Variants in PPP6C observed in about 807,000 individuals in gnomAD.
PPP6C encodes protein phosphatase 6 catalytic subunit.
A neutral mutation model predicts 39.8 loss-of-function variants in PPP6C; 11 were observed. That is an observed-to-expected ratio of 0.28 (90% CI 0.17 to 0.46). PPP6C has a LOEUF of 0.46. PPP6C is among the 20% of genes least tolerant of loss of function. The pLI is 1.00. For synonymous variants in PPP6C, 129 were observed against 130.3 expected (o/e 0.99, Z 0.07); for missense variants, 211 against 373.9 (o/e 0.56, Z 3.59).
At chr9:125,170,942 T>G (rs1353488437) in intron 2 of PPP6C, 143 bp downstream of exon 2, 1 of 486,694 alleles carries the variant, frequency 2.1e-6, no homozygotes, top group Non-Finnish European at 3.6e-6. Flanking sequence ...CAGGAATCAT[T>G]TGTGTCACAG....
intron 1 of PPP6C, among the ~76,000 whole-genome samples, chr9:125,187,548 T>C (rs1197546653): frequency 2.6e-5 from 4 of 151,908 alleles, no homozygotes; most frequent in African/African-American, 9.7e-5. Flanking sequence ...CCTCCCCAAG[T>C]ACTGAGATTA....
At chr9:125,175,978 T>C (rs1015939135) in intron 1 of PPP6C, among the ~76,000 whole-genome samples, 9 of 152,090 alleles carry the variant, frequency 5.9e-5, no homozygotes, top group African/African-American at 1.7e-4. Context: ...CAAGGAAGTA[T>C]AGAGCAAACA....
intron 2 of PPP6C, among the ~76,000 whole-genome samples, chr9:125,163,011 G>A (rs532688173): frequency 1.6e-4 from 24 of 152,074 alleles, no homozygotes; most frequent in African/African-American, 5.8e-4. Flanking sequence ...CCTGGGAGAC[G>A]GAGGTTACAG....
At chr9:125,168,908 G>A (rs1012641090) in intron 2 of PPP6C, among the ~76,000 whole-genome samples, 3 of 151,192 alleles carry the variant, frequency 2.0e-5, no homozygotes, top group African/African-American at 7.3e-5. Flanking sequence ...TTACAGGCAC[G>A]CACCACCACA....
In PPP6C at chr9:125,156,542, G is replaced by T. The variant is rs142413395; in HGVS notation, c.379+1699C>A. Among the ~76,000 whole-genome samples, 245 of 152,272 alleles carry T rather than the reference G, an allele frequency of 1.6e-3. 1 individual carries two copies. The highest frequency in any genetic ancestry group is 0.015 in the East Asian group (80 of 5,182). The stretch of plus-strand genomic sequence containing the variant: ...CTGCCTCAGCCTCCCAAAGTACTGG[G>T]ATTACAGGCATGAGCCACCACACCT... On this transcript the variant is annotated intron_variant, in intron 4 of 6. Coordinates refer to ENST00000373547, the MANE Select transcript of PPP6C (RefSeq NM_002721.5).
chr9:125,187,955 A>G lies in PPP6C; in HGVS notation c.75+1689T>C, dbSNP rs558678839. ...CATATGCCACATAAAATTAACAGGT[A>G]AGTACAATTCAGTCACATTCACAAC... On this transcript the variant is annotated intron_variant, in intron 1 of 6. Transcript: ENST00000373547. Among the ~76,000 whole-genome samples, 8 of 152,212 alleles carry G rather than the reference A, an allele frequency of 5.3e-5. No individual in the cohort carries two copies. In the South Asian group the frequency reaches 1.7e-3, roughly 32 times the overall value.
chr9:125,178,446 A>G (rs1317272502), intron 1 of PPP6C, among the ~76,000 whole-genome samples: 4 of 152,072 alleles, frequency 2.6e-5, no homozygotes, highest in African/African-American at 4.8e-5. Context: ...TCATCACTGT[A>G]TCTTCTTTGA....
At chr9:125,151,063 C>G in intron 6 of PPP6C, 1 of 1,339,036 alleles carries the variant, frequency 7.5e-7, no homozygotes, top group Non-Finnish European at 1.1e-6. Flanking sequence ...TTTTGATAAC[C>G]CAGTGGACTA....
At chr9:125,183,682 T>C (rs1829464917) in intron 1 of PPP6C, among the ~76,000 whole-genome samples, 1 of 152,194 alleles carries the variant, frequency 6.6e-6, no homozygotes, top group Non-Finnish European at 1.5e-5. Context: ...AATTACATTA[T>C]ACTATTGCAC....
intron 4 of PPP6C, among the ~76,000 whole-genome samples, chr9:125,156,080 A>G (rs921723340): frequency 4.6e-5 from 7 of 152,064 alleles, no homozygotes; most frequent in African/African-American, 1.7e-4. Context: ...AATATTGATT[A>G]TTTTGCAAAA....
intron 6 of PPP6C, chr9:125,150,516 G>A: frequency 2.3e-6 from 1 of 441,894 alleles, no homozygotes; most frequent in Non-Finnish European, 4.4e-6. Flanking sequence ...AAAGTTCAAA[G>A]TACTGCCTAT....
chr9:125,186,074 G>A (rs955611819), intron 1 of PPP6C, among the ~76,000 whole-genome samples: 6 of 152,190 alleles, frequency 3.9e-5, no homozygotes, highest in East Asian at 3.9e-4. Context: ...CTGGAACATC[G>A]TATGCATTTA....
At chr9:125,174,435 G>A (rs969448813) in intron 1 of PPP6C, among the ~76,000 whole-genome samples, 1 of 149,798 alleles carries the variant, frequency 6.7e-6, no homozygotes, top group Non-Finnish European at 1.5e-5. Flanking sequence ...CATTCCTAGG[G>A]TAAGTTCCTG....
intron 4 of PPP6C, among the ~76,000 whole-genome samples, chr9:125,156,922 C>G (rs184493058): frequency 6.6e-6 from 1 of 151,992 alleles, no homozygotes; most frequent in African/African-American, 2.4e-5. Context: ...AATCAATTCT[C>G]CCTGCCTCAG....
At position 125,147,396 on chromosome 9, in the gene PPP6C, CATG is replaced by C. The variant is rs1056838993; in HGVS notation, c.*2274_*2276del. ...TATGACTTGCAAGTATCTTCCACCA[CATG>C]ATAACTCTATATAGTACATATAGTA... On this transcript the variant is annotated 3_prime_UTR_variant, in exon 7 of 7. Transcript: ENST00000373547. The C allele has an allele frequency of 6.6e-5, 10 of 152,210 alleles. No individual in the cohort carries two copies. The highest frequency in any genetic ancestry group is 9.6e-5 in the African/African-American group (4 of 41,456). The allele number at this position is 152,210 out of a possible 1,614,324, so 9.4% of individuals were successfully genotyped here.
At chr9:125,154,031 A>G in intron 4 of PPP6C, 46 bp from the exon 5 acceptor site, 1 of 1,387,622 alleles carries the variant, frequency 7.2e-7, no homozygotes, top group Non-Finnish European at 1.0e-6. Flanking sequence ...CTGCTAATAA[A>G]AATAAACAAT....
intron 1 of PPP6C, among the ~76,000 whole-genome samples, chr9:125,178,831 T>C (rs1829361747): frequency 6.6e-6 from 1 of 152,188 alleles, no homozygotes. Context: ...AAGTGTAATT[T>C]AGCACAACCA....
chr9:125,181,098 C>T (rs1202634395), intron 1 of PPP6C, among the ~76,000 whole-genome samples: 1 of 152,116 alleles, frequency 6.6e-6, no homozygotes, highest in Non-Finnish European at 1.5e-5. Flanking sequence ...TTACAAATCG[C>T]TATCACGCGC....
intron 6 of PPP6C, among the ~76,000 whole-genome samples, chr9:125,150,473 A>AGT (rs140185523): frequency 0.016 from 2,376 of 151,332 alleles, 71 homozygotes; most frequent in African/African-American, 0.055. Flanking sequence ...GAAAGTTCAA[A>AGT]GTGTGTGTGT....
Sources: allele counts gnomAD v4.1 joint callset (sites outside exome capture counted in the v4.1 genomes callset), GRCh38; gene constraint gnomAD v4.1.1; transcripts MANE v1.5; gene names NCBI Gene and HGNC (gene_info 2026-07-23, HGNC 2026-07-21).